The following C9orf43 variants were observed in gnomAD, a reference collection of about 807,000 sequenced individuals.
C9orf43 encodes chromosome 9 open reading frame 43.
Under a neutral mutation model 59.1 loss-of-function variants are expected in C9orf43, and 45 were observed. The observed-to-expected ratio is 0.76, with a 90% CI of 0.60 to 0.98. The LOEUF (loss-of-function observed/expected upper bound fraction) is 0.98. C9orf43 is among the 50% of genes least tolerant of loss of function. C9orf43 has a pLI of 0.00. For synonymous variants in C9orf43, 203 were observed against 196.8 expected, an observed-to-expected ratio of 1.03 and a Z score of -0.26; for missense variants, 533 against 554.9, an observed-to-expected ratio of 0.96 and a Z score of 0.40.
chr9:113,419,397 G>A (rs955157645), intron 4 of C9orf43, among the ~76,000 whole-genome samples: 1 of 152,108 alleles, frequency 6.6e-6, no homozygotes, highest in African/African-American at 2.4e-5. Flanking sequence ...TATGGGTTTG[G>A]CGTAGGTGAG....
chr9:113,423,608 C>T (rs1468714209), intron 7 of C9orf43, 110 bp downstream of exon 7: 17 of 1,042,508 alleles, frequency 1.6e-5, no homozygotes, highest in Non-Finnish European at 2.3e-5. Context: ...AAAACTATCA[C>T]CCCGATTTGT....
At position 113,428,139 on chromosome 9, in the gene C9orf43, G is replaced by T; in HGVS notation, c.1031-8G>T. On this transcript the variant is annotated splice_polypyrimidine_tract_variant and splice_region_variant and intron_variant, in intron 11 of 13. Transcript: ENST00000374165. ...AGAGGAAGATTGAATGGACTCTTTG[G>T]TTACTAGGTTACAGAACTCTGCCAG... 1 of 1,614,104 alleles carries T rather than the reference G, an allele frequency of 6.2e-7. No homozygotes were observed. Among genetic ancestry groups the T allele is most frequent in the Admixed American group, 1.7e-5 (1 of 60,022 alleles).
chr9:113,424,182 A>G lies in C9orf43; in HGVS notation c.673A>G (p.Lys225Glu). The G allele has an allele frequency of 6.2e-7, 1 of 1,609,364 alleles. No homozygotes were observed. The highest frequency in any genetic ancestry group is 2.2e-5 in the East Asian group (1 of 44,818). The change falls in exon 8 of 14, where the codon AAG becomes GAG. Residue 225 changes from lysine (K) to glutamate (E), a missense_variant. Transcript: ENST00000374165. ...CCCCTTCAGACTTTTGCCAGGTGGA[A>G]AGCAAACCATGCTCTGTCCAGAGAT... ...DLLKELLPGG[K>E]QTMLCPEMKI...
At chr9:113,423,022 G>A (rs1171033717) in intron 6 of C9orf43, among the ~76,000 whole-genome samples, 1 of 152,190 alleles carries the variant, frequency 6.6e-6, no homozygotes, top group Non-Finnish European at 1.5e-5. Context: ...GTTCATTGCT[G>A]AATCCCCATC....
At chr9:113,413,291 ATACT>A (rs1828240174) in intron 1 of C9orf43, 150 bp from the exon 2 acceptor site, 2 of 331,280 alleles carry the variant, frequency 6.0e-6, no homozygotes, top group South Asian at 2.4e-4. Context: ...AGCTATTTTC[ATACT>A]TGCTTGTTAT....
intron 9 of C9orf43, 109 bp from the exon 10 acceptor site, chr9:113,425,235 G>A: frequency 6.5e-7 from 1 of 1,536,910 alleles, no homozygotes; most frequent in Non-Finnish European, 8.9e-7. Flanking sequence ...CAGCCCCTCT[G>A]GCTTGGTCCT....
chr9:113,423,505 A>G lies in C9orf43; in HGVS notation c.656+7A>G. The G allele has an allele frequency of 6.2e-7, 1 of 1,610,384 alleles. No individual in the cohort carries two copies. Among genetic ancestry groups the G allele is most frequent in the Non-Finnish European group, 8.5e-7 (1 of 1,176,852 alleles). ...CTCAGGATCTACTGAAGGAGTAAGT[A>G]TCATGTAGGTCTGTGGGAGAGCCAG... On this transcript the variant is annotated splice_region_variant and intron_variant, in intron 7 of 13. Transcript: ENST00000374165.
Position 113,428,231 on chromosome 9 carries a change from T to G in C9orf43, c.1107+8T>G, listed in dbSNP as rs769552381. 10 of 1,613,322 alleles carry G rather than the reference T, an allele frequency of 6.2e-6. No homozygotes were observed. The highest frequency in any genetic ancestry group is 8.5e-6 in the Non-Finnish European group (10 of 1,179,416). On this transcript the variant is annotated splice_region_variant and intron_variant, in intron 12 of 13. Transcript: ENST00000374165. ...GGAACCACTTCGAAACAGGTGAGAG[T>G]GTACCAAGGCCTCTGCTAGGACCCA...
At chr9:113,415,687 T>C in intron 3 of C9orf43, among the ~76,000 whole-genome samples, 1 of 152,154 alleles carries the variant, frequency 6.6e-6, no homozygotes, top group Non-Finnish European at 1.5e-5. Context: ...TTTTCTTTTC[T>C]TGAGTCTCCT....
In C9orf43 at chr9:113,413,853, A is replaced by G. The variant is rs201453096; in HGVS notation, c.246A>G (p.Leu82=). The G allele has an allele frequency of 9.9e-5, 160 of 1,613,220 alleles. 1 individual carries two copies. The highest frequency in any genetic ancestry group is 5.1e-6 in the Non-Finnish European group (6 of 1,179,794). The change falls in exon 3 of 14, where the codon TTA becomes TTG. Residue 82 remains leucine (L), a synonymous_variant. Transcript: ENST00000374165. ...GTACCTTTACTAAGGCCCATTCTTT[A>G]TTGTCTCAGAGTTCAAAGTTTTACT... ...PECTFTKAHS[L]LSQSSKFYSK...
intron 5 of C9orf43, among the ~76,000 whole-genome samples, chr9:113,422,311 C>T (rs1049732088): frequency 2.0e-5 from 3 of 152,084 alleles, no homozygotes; most frequent in Non-Finnish European, 2.9e-5. Context: ...AATGGGAAAC[C>T]TAATTTAGAT....
chr9:113,427,748 T>C (rs1163123714), intron 11 of C9orf43, among the ~76,000 whole-genome samples: 3 of 152,178 alleles, frequency 2.0e-5, no homozygotes, highest in African/African-American at 4.8e-5. Flanking sequence ...TAGGGACTAG[T>C]TGGGGAAGCA....
At chr9:113,421,590 T>C (rs1021989692) in intron 5 of C9orf43, among the ~76,000 whole-genome samples, 17 of 152,114 alleles carry the variant, frequency 1.1e-4, no homozygotes, top group African/African-American at 3.9e-4. Flanking sequence ...TAGTACAGTG[T>C]ACAAAAGCAA....
At chr9:113,416,088 C>T (rs1828346459) in intron 3 of C9orf43, among the ~76,000 whole-genome samples, 1 of 152,254 alleles carries the variant, frequency 6.6e-6, no homozygotes, top group South Asian at 2.1e-4. Flanking sequence ...TACACGCCTT[C>T]TTCCTTCAGT....
At chr9:113,424,394 CA>C in intron 8 of C9orf43, 78 bp downstream of exon 8, 3 of 1,419,998 alleles carry the variant, frequency 2.1e-6, no homozygotes, top group Middle Eastern at 1.8e-4. Flanking sequence ...GAAGAGTTGA[CA>C]TTCTATTCCT....
intron 6 of C9orf43, among the ~76,000 whole-genome samples, 187 bp from the exon 7 acceptor site, chr9:113,423,139 G>A (rs967858929): frequency 2.0e-5 from 3 of 152,188 alleles, no homozygotes; most frequent in African/African-American, 7.2e-5. Flanking sequence ...ACGAATCCCT[G>A]TATGATCTGA....
chr9:113,421,286 A>G (rs150944962), intron 5 of C9orf43, 83 bp downstream of exon 5: 12 of 990,656 alleles, frequency 1.2e-5, no homozygotes, highest in Non-Finnish European at 1.8e-5. Flanking sequence ...GTGATCTCCC[A>G]TTTAGCCAGC....
rs182298492 is a variant in C9orf43, at chr9:113,411,147, A to C, written c.-50+146A>C. 93 of 982,454 alleles carry C rather than the reference A, an allele frequency of 9.5e-5. No individual in the cohort carries two copies. In the East Asian group the frequency reaches 3.7e-3, roughly 40 times the overall value. 60.9% of individuals were successfully genotyped at this position (982,454 alleles called of 1,614,324 possible). ...CAATTCGGACTGGGCAGGTAACGAA[A>C]GGGCGAGAAGCAGCCTTTTCACTGT... On this transcript the variant is annotated intron_variant, in intron 1 of 13. Coordinates refer to ENST00000374165, the MANE Select transcript of C9orf43 (RefSeq NM_001278629.2).
At chr9:113,414,218 C>T (rs1828277098) in intron 3 of C9orf43, among the ~76,000 whole-genome samples, 1 of 152,114 alleles carries the variant, frequency 6.6e-6, no homozygotes. Flanking sequence ...AGACTGTTTG[C>T]TTTTGAGACC....
Sources: allele counts gnomAD v4.1 joint callset (sites outside exome capture counted in the v4.1 genomes callset), GRCh38; gene constraint gnomAD v4.1.1; transcripts MANE v1.5; gene names NCBI Gene and HGNC (gene_info 2026-07-23, HGNC 2026-07-21).